The following MBD5 variants were observed in gnomAD, a reference collection of about 807,000 sequenced individuals.
MBD5 encodes methyl-CpG binding domain protein 5.
A neutral mutation model predicts 117.3 loss-of-function variants in MBD5; 13 were observed. The ratio of observed to expected loss-of-function variants is 0.11; its 90% CI spans 0.07 to 0.18. MBD5 has a LOEUF of 0.18. Ranked by LOEUF, MBD5 falls within the 10% of genes least tolerant of loss-of-function variation. The probability of loss-of-function intolerance (pLI) is 1.00; values close to 1 mark genes in which losing one functional copy is unlikely to be tolerated. For missense variants in MBD5, 1,879 were observed against 2,093.8 expected, an observed-to-expected ratio of 0.90 and a Z score of 2.00; for synonymous variants, 727 against 766.4, an observed-to-expected ratio of 0.95 and a Z score of 0.85.
intron 2 of MBD5, among the ~76,000 whole-genome samples, chr2:148,218,817 A>T (rs1402936764): frequency 1.3e-5 from 2 of 152,242 alleles, no homozygotes; most frequent in African/African-American, 4.8e-5. Context: ...TAGAAGATTT[A>T]CCACGAATGG....
intron 1 of MBD5, among the ~76,000 whole-genome samples, chr2:148,104,651 C>G (rs1316394747): frequency 6.6e-6 from 1 of 152,112 alleles, no homozygotes; most frequent in Non-Finnish European, 1.5e-5. Flanking sequence ...AGAATGTGGC[C>G]TTAGTTAGTG....
At position 148,410,575 on chromosome 2, in the gene MBD5, C is replaced by T. The variant is rs558084699; in HGVS notation, c.-556-47628C>T. ...CCCACTGAGTGGCTAGGACTACAGG[C>T]GTGCACCACCACACCTAGCTAACTT... On this transcript the variant is annotated intron_variant, in intron 4 of 13. Transcript: ENST00000642680. Among the ~76,000 whole-genome samples, 4 of 152,258 alleles carry T rather than the reference C, an allele frequency of 2.6e-5. 1 individual carries two copies. The South Asian group carries it at 8.3e-4, about 32-fold the overall frequency.
intron 3 of MBD5, among the ~76,000 whole-genome samples, chr2:148,316,480 T>C (rs1702161126): frequency 6.6e-6 from 1 of 152,180 alleles, no homozygotes; most frequent in South Asian, 2.1e-4. Context: ...CTCAGCTTGC[T>C]ACCAAATCAG....
Position 148,480,039 on chromosome 2 carries a change from C to G in MBD5, c.2519-3071C>G, listed in dbSNP as rs559585773. 2.4e-4 allele frequency among the ~76,000 whole-genome samples: 36 copies of G among 152,072 alleles called. No homozygotes were observed. The South Asian group carries it at 7.5e-3, about 32-fold the overall frequency. On this transcript the variant is annotated intron_variant, in intron 8 of 13. Transcript: ENST00000642680. ...AACTCTTAGTTCCTTTAGGAAAGAA[C>G]AAGGGTTTTTTTAAAATTTTTATTT...
At chr2:148,226,106 A>G (rs557517856) in intron 2 of MBD5, among the ~76,000 whole-genome samples, 2 of 145,396 alleles carry the variant, frequency 1.4e-5, no homozygotes, top group South Asian at 2.2e-4. Flanking sequence ...TTTTGAGGCT[A>G]TTTTCTTTTT....
chr2:148,382,956 G>C (rs1356342010), intron 4 of MBD5, among the ~76,000 whole-genome samples: 1 of 151,372 alleles, frequency 6.6e-6, no homozygotes. Flanking sequence ...ATTCAAAGCA[G>C]TGTGTAGAGG....
At chr2:148,305,044 G>A (rs186801551) in intron 3 of MBD5, among the ~76,000 whole-genome samples, 45 of 150,314 alleles carry the variant, frequency 3.0e-4, no homozygotes, top group Admixed American at 2.6e-3. Context: ...CAGCCTGGGC[G>A]ACAGAGCGAG....
chr2:148,246,763 CAAAAAA>C (rs71406014), intron 3 of MBD5, among the ~76,000 whole-genome samples: 20 of 70,132 alleles, frequency 2.9e-4, no homozygotes, highest in East Asian at 4.4e-4. Context: ...GACTCCATCT[CAAAAAA>C]AAAAAAAAAA....
intron 1 of MBD5, among the ~76,000 whole-genome samples, chr2:148,107,811 C>T (rs558278256): frequency 1.3e-3 from 193 of 152,136 alleles, no homozygotes; most frequent in Non-Finnish European, 2.6e-4. Context: ...GTATGTTTTA[C>T]ATATAATGTC....
intron 1 of MBD5, among the ~76,000 whole-genome samples, chr2:148,144,291 GTTGT>G (rs1426975729): frequency 2.0e-5 from 3 of 151,698 alleles, no homozygotes; most frequent in South Asian, 2.1e-4. Context: ...TGTTGATGGG[GTTGT>G]TTGTTTTTTT....
intron 1 of MBD5, among the ~76,000 whole-genome samples, chr2:148,146,721 A>G (rs1558945471): frequency 6.6e-6 from 1 of 152,132 alleles, no homozygotes; most frequent in Non-Finnish European, 1.5e-5. Flanking sequence ...GGACTCCCTT[A>G]TGCATTGTTG....
chr2:148,150,426 T>TC, intron 1 of MBD5, among the ~76,000 whole-genome samples: 3 of 152,248 alleles, frequency 2.0e-5, no homozygotes, highest in Admixed American at 2.0e-4. Context: ...CGATGCAGGC[T>TC]CTTTTTTGGT....
intron 3 of MBD5, among the ~76,000 whole-genome samples, chr2:148,300,849 A>G (rs987196479): frequency 2.0e-5 from 3 of 152,236 alleles, no homozygotes; most frequent in Admixed American, 6.5e-5. Context: ...CTGAAGTAGC[A>G]GTAGCAGCTA....
rs151124043 is a variant in MBD5, at chr2:148,322,592, G to C, written c.-679-19622G>C. Among the ~76,000 whole-genome samples the C allele has an allele frequency of 4.2e-3, 637 of 152,182 alleles. 6 individuals are homozygous for C. The highest frequency in any genetic ancestry group is 0.015 in the African/African-American group (614 of 41,524). On this transcript the variant is annotated intron_variant, in intron 3 of 13. Coordinates refer to ENST00000642680, the MANE Select transcript of MBD5 (RefSeq NM_001378120.1). ...ACAACACACAAGACTTACATACCTT[G>C]ATTATTATTTGACTTTCTCAGTGGC...
intron 3 of MBD5, among the ~76,000 whole-genome samples, chr2:148,309,187 A>G (rs981176828): frequency 4.5e-4 from 68 of 152,208 alleles, no homozygotes; most frequent in African/African-American, 1.5e-3. Context: ...CTAATTCTGC[A>G]AAGAAAGTCA....
At chr2:148,054,000 TG>T (rs1224874136) in intron 1 of MBD5, 1 of 151,830 alleles carries the variant, frequency 6.6e-6, no homozygotes, top group Non-Finnish European at 1.5e-5. Flanking sequence ...CTCGACCTCC[TG>T]GGCTCAAGTG....
intron 1 of MBD5, among the ~76,000 whole-genome samples, chr2:148,160,080 T>C (rs115504059): frequency 0.013 from 1,984 of 152,212 alleles, 47 homozygotes; most frequent in African/African-American, 0.045. Flanking sequence ...TCTAGACATA[T>C]AGAACCCAAA....
intron 1 of MBD5, among the ~76,000 whole-genome samples, chr2:148,171,516 C>CTG (rs1419781257): frequency 6.6e-5 from 10 of 152,152 alleles, no homozygotes; most frequent in Non-Finnish European, 1.3e-4. Context: ...TAACATCATA[C>CTG]TGAATGGGAA....
chr2:148,064,127 TC>T (rs68132599), intron 1 of MBD5, among the ~76,000 whole-genome samples: 45,618 of 132,120 alleles, frequency 0.35, 9,232 homozygotes, highest in East Asian at 0.47. Flanking sequence ...CTGTCTTTTT[TC>T]TTTTTTTTTT....
Sources: gnomAD v4.1 joint callset for allele counts (sites outside exome capture counted in the v4.1 genomes callset) on GRCh38, gnomAD v4.1.1 for gene constraint, MANE v1.5 for transcripts, NCBI Gene and HGNC (gene_info 2026-07-23, HGNC 2026-07-21) for gene names.